The following AKR1D1 variants were observed in gnomAD, a reference collection of about 807,000 sequenced individuals.
The protein encoded by AKR1D1 is aldo-keto reductase family 1 member D1.
In AKR1D1, 32 loss-of-function variants were observed where a neutral mutation model predicts 42.6. That is an observed-to-expected ratio of 0.75 (90% confidence interval 0.57 to 1.01). The LOEUF (loss-of-function observed/expected upper bound fraction) is 1.01. Among genes scored for constraint, AKR1D1 ranks in the 50% least tolerant of loss-of-function variants. AKR1D1 has a pLI of 0.00. For synonymous variants in AKR1D1, 123 were observed against 135.5 expected (o/e 0.91, Z 0.64); for missense variants, 364 against 402.2 (o/e 0.91, Z 0.81).
chr7:138,109,991 A>G (rs1246076062), intron 7 of AKR1D1, among the ~76,000 whole-genome samples: 1 of 152,124 alleles, frequency 6.6e-6, no homozygotes, highest in Non-Finnish European at 1.5e-5. Flanking sequence ...CATAGCCTTG[A>G]TAATAAAAGA....
intron 4 of AKR1D1, 94 bp from the exon 5 acceptor site, chr7:138,105,213 T>G (rs1002368145): frequency 6.3e-7 from 1 of 1,575,346 alleles, no homozygotes; most frequent in Admixed American, 1.7e-5. Flanking sequence ...ACCCAGGAAC[T>G]TTCCTTTTTA....
chr7:138,101,084 A>T (rs1191629268), intron 4 of AKR1D1, among the ~76,000 whole-genome samples: 4 of 152,050 alleles, frequency 2.6e-5, no homozygotes, highest in Admixed American at 2.6e-4. Flanking sequence ...AGGAGATTTA[A>T]ACATTATCAA....
intron 1 of AKR1D1, 43 bp from the exon 2 acceptor site, chr7:138,088,558 A>G: frequency 6.2e-7 from 1 of 1,601,562 alleles, no homozygotes. Context: ...TAAAGGAAAG[A>G]CCATTTCTCT....
chr7:138,083,631 C>T (rs1343573986), intron 1 of AKR1D1, among the ~76,000 whole-genome samples: 1 of 152,046 alleles, frequency 6.6e-6, no homozygotes, highest in Non-Finnish European at 1.5e-5. Flanking sequence ...GTTTCTTATG[C>T]TTTTGGTGTC....
intron 6 of AKR1D1, 47 bp from the exon 7 acceptor site, chr7:138,107,368 T>C: frequency 6.3e-7 from 1 of 1,597,184 alleles, no homozygotes; most frequent in Non-Finnish European, 8.6e-7. Context: ...TAACCTTTGG[T>C]TCTCATTATG....
At chr7:138,099,940 C>T (rs1434918928) in intron 4 of AKR1D1, among the ~76,000 whole-genome samples, 13 of 150,160 alleles carry the variant, frequency 8.7e-5, no homozygotes, top group African/African-American at 7.4e-5. Flanking sequence ...AGGAATATCA[C>T]GGGTGAGGTG....
At chr7:138,102,731 T>G (rs1268005026) in intron 4 of AKR1D1, among the ~76,000 whole-genome samples, 1 of 152,222 alleles carries the variant, frequency 6.6e-6, no homozygotes, top group Non-Finnish European at 1.5e-5. Flanking sequence ...CAGTTGATTT[T>G]CAACAGAAAT....
At chr7:138,076,958 A>G (rs1802951347) in intron 1 of AKR1D1, among the ~76,000 whole-genome samples, 2 of 152,142 alleles carry the variant, frequency 1.3e-5, no homozygotes, top group Non-Finnish European at 2.9e-5. Context: ...TTTTTAGTTC[A>G]GTCTAACAAA....
Position 138,105,368 on chromosome 7 carries a change from G to A in AKR1D1, c.518G>A (p.Arg173His), listed in dbSNP as rs778168706. 2.2e-5 allele frequency: 36 copies of A among 1,614,042 alleles called. No homozygotes were observed. Among genetic ancestry groups the A allele is most frequent in the African/African-American group, 1.1e-4 (8 of 74,996 alleles). ...VKSLGVSNFN[R>H]RQLELILNKP... ...TCCCTGGGAGTGTCCAATTTTAACCGCAGGCAGCTGGAGCTCATCCTGAAC... is the reference window on the plus strand; with the variant it reads ...TCCCTGGGAGTGTCCAATTTTAACCACAGGCAGCTGGAGCTCATCCTGAAC... The change falls in exon 5 of 9, where the codon CGC (arginine) becomes CAC (histidine). Residue 173 changes from arginine to histidine, a missense_variant. Physicochemically the swap from Arg to His is conservative, Grantham distance 29. Coordinates refer to ENST00000242375, the MANE Select transcript of AKR1D1 (RefSeq NM_005989.4).
In AKR1D1 at chr7:138,109,490, C is replaced by G. The variant is rs1046022165; in HGVS notation, c.855+1910C>G. ...GTCTTCTATCAGGGTCTCTATCAAT[C>G]CCTGATTAGCTCCTGAAGGTCACCC... On this transcript the variant is annotated intron_variant, in intron 7 of 8. Coordinates refer to ENST00000242375, the MANE Select transcript of AKR1D1 (RefSeq NM_005989.4). Among the ~76,000 whole-genome samples, 3 of 152,120 alleles carry G rather than the reference C, an allele frequency of 2.0e-5. No individual in the cohort carries two copies. In the East Asian group the frequency reaches 5.8e-4, roughly 29 times the overall value.
chr7:138,116,753 G>C lies in AKR1D1; in HGVS notation c.*91G>C. On this transcript the variant is annotated 3_prime_UTR_variant, in exon 9 of 9. Transcript: ENST00000242375. Reference sequence around the variant, plus strand: ...CCTAGATGTGAAAATGAAGAGAGAGGGTTTTACCATCCTGAGAAGAAATAA... The same window carrying C: ...CCTAGATGTGAAAATGAAGAGAGAGCGTTTTACCATCCTGAGAAGAAATAA... 8.5e-7 allele frequency: 1 copy of C among 1,171,508 alleles called. No homozygotes were observed. Among genetic ancestry groups the C allele is most frequent in the Non-Finnish European group, 1.3e-6 (1 of 789,804 alleles). The allele number at this position is 1,171,508 out of a possible 1,614,324, so 72.6% of individuals were successfully genotyped here. A position where few individuals can be genotyped will look rare whatever the true frequency, so the allele number is the denominator to read the frequency against.
At chr7:138,114,479 G>A (rs537919423) in intron 8 of AKR1D1, among the ~76,000 whole-genome samples, 8 of 152,034 alleles carry the variant, frequency 5.3e-5, no homozygotes, top group South Asian at 2.1e-4. Context: ...GGCCAACATG[G>A]AGAAACCCCG....
chr7:138,113,558 C>G (rs952389970), intron 7 of AKR1D1, 132 bp from the exon 8 acceptor site: 5 of 771,794 alleles, frequency 6.5e-6, no homozygotes, highest in Admixed American at 4.1e-5. Context: ...GGGTAGCCCC[C>G]CAACACCAGC....
chr7:138,094,369 G>C (rs1794143413), intron 3 of AKR1D1, among the ~76,000 whole-genome samples: 2 of 152,102 alleles, frequency 1.3e-5, no homozygotes, highest in Non-Finnish European at 1.5e-5. Context: ...ACAAAAATTA[G>C]CCAGGCTTGG....
intron 5 of AKR1D1, among the ~76,000 whole-genome samples, chr7:138,105,864 G>A (rs912091014): frequency 2.6e-5 from 4 of 151,974 alleles, no homozygotes; most frequent in African/African-American, 7.3e-5. Context: ...CAGCCTGGGC[G>A]ACAGAGTGTG....
rs1248727784 is a variant in AKR1D1 at position 138,110,739 on chromosome 7, G to A, written c.856-2951G>A. On this transcript the variant is annotated intron_variant, in intron 7 of 8. Coordinates refer to ENST00000242375, the MANE Select transcript of AKR1D1 (RefSeq NM_005989.4). ...TAGCACTCCAGCCTGGATGACAAGA[G>A]TGAAACTTTGTCTCAAAACAAATAA... Among the ~76,000 whole-genome samples, 3 of 152,016 alleles carry A rather than the reference G, an allele frequency of 2.0e-5. No individual in the cohort carries two copies. The East Asian group carries it at 5.8e-4, about 29-fold the overall frequency.
rs1872929 is a variant in AKR1D1 at position 138,116,667 on chromosome 7, A to T, written c.*5A>T. On this transcript the variant is annotated 3_prime_UTR_variant, in exon 9 of 9. Transcript: ENST00000242375. ...CCATTTCATGATGAATACTGACTGCAGGGAGTTCCTGAACAGATTTTTCAC... is the reference window on the plus strand; with the variant it reads ...CCATTTCATGATGAATACTGACTGCTGGGAGTTCCTGAACAGATTTTTCAC... The T allele has an allele frequency of 6.2e-6, 10 of 1,613,926 alleles. No homozygotes were observed. Among genetic ancestry groups the T allele is most frequent in the African/African-American group, 2.7e-5 (2 of 74,980 alleles).
intron 3 of AKR1D1, among the ~76,000 whole-genome samples, chr7:138,096,937 T>C (rs1424997167): frequency 2.6e-5 from 4 of 152,216 alleles, no homozygotes; most frequent in Non-Finnish European, 4.4e-5. Flanking sequence ...CTCTCTGAGC[T>C]CTTGACTTCT....
intron 4 of AKR1D1, among the ~76,000 whole-genome samples, chr7:138,099,388 C>T (rs2117447656): frequency 6.6e-6 from 1 of 152,150 alleles, no homozygotes; most frequent in Non-Finnish European, 1.5e-5. Flanking sequence ...AACAGAGAAC[C>T]AGGAACTTCT....
Sources: allele counts gnomAD v4.1 joint callset (sites outside exome capture counted in the v4.1 genomes callset), GRCh38; gene constraint gnomAD v4.1.1; transcripts MANE v1.5; gene names NCBI Gene and HGNC (gene_info 2026-07-23, HGNC 2026-07-21).